Variants in KHDRBS2 observed in about 807,000 individuals in gnomAD.
KHDRBS2 encodes KH RNA binding domain containing, signal transduction associated 2, also known as KH domain-containing, RNA-binding, signal transduction-associated protein 2.
In KHDRBS2, 26 loss-of-function variants were observed where a neutral mutation model predicts 44.3. The ratio of observed to expected loss-of-function variants is 0.59; its 90% CI spans 0.43 to 0.81. The LOEUF (loss-of-function observed/expected upper bound fraction) is 0.81. KHDRBS2 is among the 40% of genes least tolerant of loss of function. The probability of loss-of-function intolerance (pLI) is 0.00; values close to 1 mark genes in which losing one functional copy is unlikely to be tolerated. For missense variants in KHDRBS2, 476 were observed against 433.1 expected (o/e 1.10, Z -0.88); for synonymous variants, 194 against 151.1 (o/e 1.28, Z -2.08).
chr6:62,277,220 C>A (rs1196824870), intron 1 of KHDRBS2, among the ~76,000 whole-genome samples: 2 of 151,882 alleles, frequency 1.3e-5, no homozygotes, highest in Admixed American at 6.6e-5. Flanking sequence ...ATATAAATAT[C>A]TGTCTATATA....
chr6:62,156,719 T>G (rs1318639063), intron 2 of KHDRBS2, among the ~76,000 whole-genome samples: 3 of 151,944 alleles, frequency 2.0e-5, no homozygotes, highest in South Asian at 4.1e-4. Flanking sequence ...CAGGCTGGAG[T>G]GCAGTGCAGT....
the KHDRBS2 span, among the ~76,000 whole-genome samples, chr6:61,603,756 TG>T: frequency 2.0e-5 from 3 of 152,184 alleles, no homozygotes; most frequent in African/African-American, 7.2e-5. Flanking sequence ...ACTCACTCTT[TG>T]TTGAGCCTCC....
At chr6:62,046,928 A>G (rs1787827563) in intron 3 of KHDRBS2, among the ~76,000 whole-genome samples, 1 of 151,930 alleles carries the variant, frequency 6.6e-6, no homozygotes, top group Non-Finnish European at 1.5e-5. Context: ...GAGTTTTGCT[A>G]AAACTCCTAA....
intron 7 of KHDRBS2, among the ~76,000 whole-genome samples, chr6:61,702,597 T>A (rs1408567414): frequency 1.3e-5 from 2 of 151,940 alleles, no homozygotes; most frequent in Admixed American, 1.3e-4. Flanking sequence ...AAACTAGAGA[T>A]CATTGTATTT....
At chr6:61,628,484 A>T in the KHDRBS2 span, among the ~76,000 whole-genome samples, 1 of 151,768 alleles carries the variant, frequency 6.6e-6, no homozygotes, top group East Asian at 1.9e-4. Context: ...TCTCCTACGT[A>T]CCTCTTCAAC....
rs111764706 is a variant in KHDRBS2 at position 62,026,554 on chromosome 6, T to C, written c.336+21324A>G. Among the ~76,000 whole-genome samples, 289 of 151,688 alleles carry C rather than the reference T, an allele frequency of 1.9e-3. 1 individual carries two copies. Among genetic ancestry groups the C allele is most frequent in the African/African-American group, 6.6e-3 (273 of 41,386 alleles). On this transcript the variant is annotated intron_variant, in intron 3 of 8. Transcript: ENST00000281156. ...CTCAAGCAGTCCTCCTACCTCAGCC[T>C]CGCAAGTAACTGGGATCACAGGCAT...
intron 4 of KHDRBS2, among the ~76,000 whole-genome samples, chr6:61,945,533 A>G (rs1433796362): frequency 6.6e-6 from 1 of 152,138 alleles, no homozygotes; most frequent in African/African-American, 2.4e-5. Context: ...TAATATTCAA[A>G]CACATGTAGG....
At chr6:61,914,349 T>A (rs930515198) in intron 4 of KHDRBS2, among the ~76,000 whole-genome samples, 2 of 152,086 alleles carry the variant, frequency 1.3e-5, no homozygotes, top group African/African-American at 4.8e-5. Flanking sequence ...TGGGCTTCCC[T>A]CTTCTCTATC....
intron 6 of KHDRBS2, among the ~76,000 whole-genome samples, chr6:61,804,347 G>T (rs1786783111): frequency 6.6e-6 from 1 of 152,164 alleles, no homozygotes; most frequent in African/African-American, 2.4e-5. Flanking sequence ...CATCCCTGTG[G>T]CTTTGCAGGG....
At chr6:62,073,896 G>A (rs1795813600) in intron 2 of KHDRBS2, among the ~76,000 whole-genome samples, 1 of 151,702 alleles carries the variant, frequency 6.6e-6, no homozygotes, top group Non-Finnish European at 1.5e-5. Context: ...AAGAAGAACG[G>A]CAGATCACTT....
intron 3 of KHDRBS2, among the ~76,000 whole-genome samples, chr6:61,980,215 C>T (rs1773551901): frequency 6.6e-6 from 1 of 152,072 alleles, no homozygotes; most frequent in African/African-American, 2.4e-5. Context: ...GATTATTGTG[C>T]AGGAAAGTGA....
At chr6:61,905,330 C>G (rs7752134) in intron 4 of KHDRBS2, among the ~76,000 whole-genome samples, 1 of 151,856 alleles carries the variant, frequency 6.6e-6, no homozygotes, top group Admixed American at 6.6e-5. Flanking sequence ...TCACAGGCCA[C>G]GTAAGAGTGC....
At chr6:61,750,765 A>AG (rs1344348915) in intron 6 of KHDRBS2, among the ~76,000 whole-genome samples, 10 of 151,754 alleles carry the variant, frequency 6.6e-5, no homozygotes, top group Non-Finnish European at 1.3e-4. Context: ...AAAAGTAAAA[A>AG]AAAAAAAAAA....
Position 61,742,195 on chromosome 6 carries a change from A to G in KHDRBS2, c.811-9431T>C, listed in dbSNP as rs540798565. Among the ~76,000 whole-genome samples the G allele has an allele frequency of 7.4e-4, 112 of 152,102 alleles. 1 individual carries two copies. The highest frequency in any genetic ancestry group is 1.3e-3 in the Non-Finnish European group (87 of 67,900). Reference sequence around the variant, plus strand: ...TTATTGAATATAATTAACAGGTCAGATAGGAACTTAACATTTAACTTACTT... The same window carrying G: ...TTATTGAATATAATTAACAGGTCAGGTAGGAACTTAACATTTAACTTACTT... On this transcript the variant is annotated intron_variant, in intron 6 of 8. Transcript: ENST00000281156.
intron 6 of KHDRBS2, among the ~76,000 whole-genome samples, chr6:61,872,415 A>T (rs989981496): frequency 2.6e-5 from 4 of 152,150 alleles, no homozygotes; most frequent in African/African-American, 9.6e-5. Context: ...TAAGAAAAAT[A>T]AGAAATATTT....
At position 61,894,648 on chromosome 6, in the gene KHDRBS2, G is replaced by C. The variant is rs145043169; in HGVS notation, c.797C>G (p.Ala266Gly). ...AAGAGTACTTACATATTCTTCATAA[G>C]CTTCATGGGCTGGAGGAGGAGGTGC... ...YRAPPPPAHE[A>G]YEEYGYDDGY... The change falls in exon 6 of 9, where the codon GCT (alanine) becomes GGT (glycine). Residue 266 changes from alanine to glycine, a missense_variant. By Grantham distance (60) the Ala-to-Gly change is moderately conservative. Coordinates refer to ENST00000281156, the MANE Select transcript of KHDRBS2 (RefSeq NM_152688.4). 1.9e-6 allele frequency: 3 copies of C among 1,611,040 alleles called. No individual in the cohort carries two copies. Among genetic ancestry groups the C allele is most frequent in the African/African-American group, 2.7e-5 (2 of 74,864 alleles).
chr6:61,901,112 T>C, intron 5 of KHDRBS2, 132 bp downstream of exon 5: 2 of 815,238 alleles, frequency 2.5e-6, no homozygotes, highest in Non-Finnish European at 3.8e-6. Context: ...GCTTTCATCG[T>C]TATTGTTTTT....
chr6:62,064,900 T>A (rs1182881972), intron 2 of KHDRBS2, among the ~76,000 whole-genome samples: 1 of 149,630 alleles, frequency 6.7e-6, no homozygotes, highest in African/African-American at 2.4e-5. Context: ...AGGGCTAATA[T>A]CCAGAATCTA....
At chr6:61,823,418 A>T (rs1398654039) in intron 6 of KHDRBS2, among the ~76,000 whole-genome samples, 1 of 152,120 alleles carries the variant, frequency 6.6e-6, no homozygotes, top group Non-Finnish European at 1.5e-5. Context: ...CACAAATTTT[A>T]TGTAAAGAAG....
Sources: gnomAD v4.1 joint callset for allele counts (sites outside exome capture counted in the v4.1 genomes callset) on GRCh38, gnomAD v4.1.1 for gene constraint, MANE v1.5 for transcripts, NCBI Gene and HGNC (gene_info 2026-07-23, HGNC 2026-07-21) for gene names.